The following FANCC variants were observed in gnomAD, a reference collection of about 807,000 sequenced individuals.
The protein encoded by FANCC is Fanconi anemia group C protein.
FANCC carries 55 observed loss-of-function variants against 71.3 expected under a neutral mutation model. The observed-to-expected ratio is 0.77, with a 90% CI of 0.62 to 0.97. The LOEUF is 0.97. Among genes scored for constraint, FANCC ranks in the 50% least tolerant of loss-of-function variants. The pLI, the probability that FANCC is intolerant of heterozygous loss-of-function variation, is 0.00. For synonymous variants in FANCC, 275 were observed against 244.9 expected, an observed-to-expected ratio of 1.12 and a Z score of -1.15; for missense variants, 678 against 670.9, an observed-to-expected ratio of 1.01 and a Z score of -0.12.
At chr9:95,276,079 G>T (rs1452716317) in intron 1 of FANCC, among the ~76,000 whole-genome samples, 1 of 152,138 alleles carries the variant, frequency 6.6e-6, no homozygotes, top group Non-Finnish European at 1.5e-5. Flanking sequence ...AAAAGTTCCT[G>T]TTCCTTGTAC....
chr9:95,256,331 A>G (rs1161288909), intron 1 of FANCC, among the ~76,000 whole-genome samples: 1 of 152,262 alleles, frequency 6.6e-6, no homozygotes, highest in African/African-American at 2.4e-5. Flanking sequence ...CCATCAGACT[A>G]ACAGCGGATC....
chr9:95,265,274 A>G (rs1386384222), intron 1 of FANCC, among the ~76,000 whole-genome samples: 3 of 152,214 alleles, frequency 2.0e-5, no homozygotes, highest in South Asian at 4.1e-4. Flanking sequence ...GTATGTATAT[A>G]TACTCTTCAG....
intron 13 of FANCC, among the ~76,000 whole-genome samples, chr9:95,109,163 C>T (rs1259247144): frequency 6.6e-6 from 1 of 152,172 alleles, no homozygotes; most frequent in Non-Finnish European, 1.5e-5. Flanking sequence ...ACGGCCACCT[C>T]GGCCTTCCAA....
At chr9:95,113,070 C>T (rs1373232841) in intron 12 of FANCC, among the ~76,000 whole-genome samples, 1 of 152,228 alleles carries the variant, frequency 6.6e-6, no homozygotes, top group Non-Finnish European at 1.5e-5. Context: ...TCTTCAAGGT[C>T]CAGCTCTGTG....
chr9:95,301,438 GT>G (rs1012108544), intron 1 of FANCC, among the ~76,000 whole-genome samples: 1 of 151,552 alleles, frequency 6.6e-6, no homozygotes, highest in Admixed American at 6.6e-5. Flanking sequence ...TTGGTTCTGG[GT>G]TTTTTTTAGA....
chr9:95,137,348 T>C (rs1310430008), intron 7 of FANCC, among the ~76,000 whole-genome samples: 1 of 151,928 alleles, frequency 6.6e-6, no homozygotes, highest in Non-Finnish European at 1.5e-5. Context: ...CCGGGGAGAC[T>C]GCGGAGGAGC....
intron 1 of FANCC, among the ~76,000 whole-genome samples, chr9:95,255,747 C>T (rs1265549827): frequency 2.6e-5 from 4 of 151,950 alleles, no homozygotes; most frequent in Admixed American, 2.0e-4. Flanking sequence ...ATAACAAACT[C>T]CTCCAAGCTA....
chr9:95,126,657 G>T, intron 8 of FANCC, 76 bp from the exon 9 acceptor site: 1 of 1,448,104 alleles, frequency 6.9e-7, no homozygotes, highest in East Asian at 2.3e-5. Context: ...TCAGCCAAAG[G>T]AGTTACTGGG....
intron 4 of FANCC, among the ~76,000 whole-genome samples, chr9:95,190,711 G>T (rs1827035833): frequency 6.6e-6 from 1 of 152,204 alleles, no homozygotes; most frequent in African/African-American, 2.4e-5. Flanking sequence ...CAGCAGGGTG[G>T]CCCTGGTTTC....
intron 1 of FANCC, among the ~76,000 whole-genome samples, chr9:95,252,283 A>G (rs1476659145): frequency 6.7e-6 from 1 of 149,762 alleles, no homozygotes; most frequent in East Asian, 1.9e-4. Flanking sequence ...TCAAAAAAAA[A>G]AAAAAAAAAA....
chr9:95,265,120 T>C (rs1832307843), intron 1 of FANCC, among the ~76,000 whole-genome samples: 1 of 152,154 alleles, frequency 6.6e-6, no homozygotes, highest in East Asian at 1.9e-4. Flanking sequence ...GCTATTTCTC[T>C]GTTGAGTCAG....
chr9:95,293,805 G>A (rs149871620), intron 1 of FANCC: 20,297 of 1,613,818 alleles, frequency 0.013, 164 homozygotes, highest in Non-Finnish European at 0.015. Context: ...GTCGGGTGGG[G>A]TCTCCTGAGA....
At chr9:95,247,343 A>T in intron 3 of FANCC, 89 bp downstream of exon 3, 1 of 960,664 alleles carries the variant, frequency 1.0e-6, no homozygotes, top group Non-Finnish European at 1.6e-6. Flanking sequence ...AAAAAAAAAA[A>T]CTAGGAGAAA....
intron 1 of FANCC, among the ~76,000 whole-genome samples, chr9:95,291,129 G>A (rs182618590): frequency 2.6e-4 from 39 of 152,154 alleles, no homozygotes; most frequent in African/African-American, 7.7e-4. Flanking sequence ...TACCGACTGG[G>A]GAAAAGTTAA....
At chr9:95,237,319 C>G (rs1333948076) in intron 4 of FANCC, among the ~76,000 whole-genome samples, 2 of 152,184 alleles carry the variant, frequency 1.3e-5, no homozygotes, top group Non-Finnish European at 1.5e-5. Context: ...CCTTCATTGC[C>G]AAAGTTCTCC....
At chr9:95,186,602 T>C (rs2135710473) in intron 4 of FANCC, 1 of 152,314 alleles carries the variant, frequency 6.6e-6, no homozygotes, top group Admixed American at 6.5e-5. Flanking sequence ...GTTACTGTCA[T>C]GTGAAGAAAG....
At chr9:95,123,843 C>G in intron 10 of FANCC, 8 of 639,102 alleles carry the variant, frequency 1.3e-5, no homozygotes, top group South Asian at 5.6e-5. Context: ...GATGCTGCCC[C>G]ACAACCCCCA....
chr9:95,303,762 C>T (rs1834898778), intron 1 of FANCC, among the ~76,000 whole-genome samples: 2 of 152,216 alleles, frequency 1.3e-5, no homozygotes, highest in South Asian at 2.1e-4. Flanking sequence ...TCTCCAAATA[C>T]AGTCCCATTG....
intron 4 of FANCC, among the ~76,000 whole-genome samples, chr9:95,222,239 T>C (rs1320231594): frequency 6.6e-6 from 1 of 150,638 alleles, no homozygotes; most frequent in African/African-American, 2.4e-5. Context: ...TCCAAATTGC[T>C]ATCAACAAAT....
Sources: allele counts gnomAD v4.1 joint callset (sites outside exome capture counted in the v4.1 genomes callset), GRCh38; gene constraint gnomAD v4.1.1; transcripts MANE v1.5; gene names NCBI Gene and HGNC (gene_info 2026-07-23, HGNC 2026-07-21).